SPOCK1: variants seen among roughly 807,000 people sequenced by gnomAD.
SPOCK1 encodes testican-1.
A neutral mutation model predicts 55.3 loss-of-function variants in SPOCK1; 23 were observed. That is an observed-to-expected ratio of 0.42 (90% CI 0.30 to 0.59). The LOEUF (loss-of-function observed/expected upper bound fraction) is 0.59. Among genes scored for constraint, SPOCK1 ranks in the 20% least tolerant of loss-of-function variants. SPOCK1 has a pLI of 0.22. For missense variants in SPOCK1, 499 were observed against 552.5 expected (o/e 0.90, Z 0.97); for synonymous variants, 226 against 221.0 (o/e 1.02, Z -0.20).
At chr5:137,266,632 A>G (rs1412597780) in intron 3 of SPOCK1, among the ~76,000 whole-genome samples, 2 of 152,196 alleles carry the variant, frequency 1.3e-5, no homozygotes, top group African/African-American at 4.8e-5. Flanking sequence ...AGAAAGTTTC[A>G]TTGTTATGGC....
At chr5:137,214,679 T>G (rs1003226747) in intron 3 of SPOCK1, among the ~76,000 whole-genome samples, 1 of 152,148 alleles carries the variant, frequency 6.6e-6, no homozygotes, top group Non-Finnish European at 1.5e-5. Flanking sequence ...TACCAAGTGC[T>G]AGTGTCAGGA....
At chr5:137,230,118 T>C (rs941511052) in intron 3 of SPOCK1, among the ~76,000 whole-genome samples, 2 of 152,250 alleles carry the variant, frequency 1.3e-5, no homozygotes. Flanking sequence ...TCTTTCTTTA[T>C]ATGCAAACAT....
Position 137,170,587 on chromosome 5 carries a change from T to TTCTCTCTC in SPOCK1, c.233-29901_233-29894dup, listed in dbSNP as rs56347412. 7.6e-4 allele frequency among the ~76,000 whole-genome samples: 108 copies of TTCTCTCTC among 142,596 alleles called. 1 individual carries two copies. The highest frequency in any genetic ancestry group is 2.3e-3 in the East Asian group (11 of 4,732). The allele number at this position is 142,596 out of a possible 152,430, so 93.5% of individuals were successfully genotyped here. ...GGAGAGACACGAATGAGCCTGTTAT[T>TTCTCTCTC]TCTCTCTCTCTCTCTCTCTCTCTCT... On this transcript the variant is annotated intron_variant, in intron 3 of 10. Transcript: ENST00000394945.
intron 6 of SPOCK1, among the ~76,000 whole-genome samples, chr5:137,036,384 A>G (rs1485477217): frequency 1.3e-5 from 2 of 152,036 alleles, no homozygotes; most frequent in Non-Finnish European, 2.9e-5. Flanking sequence ...TCTTCCATCC[A>G]GGAAGCCCTC....
intron 2 of SPOCK1, among the ~76,000 whole-genome samples, chr5:137,418,319 C>T (rs1232582355): frequency 1.3e-5 from 2 of 152,104 alleles, no homozygotes; most frequent in Non-Finnish European, 2.9e-5. Flanking sequence ...GGTATATACT[C>T]AGTAATGGGA....
intron 4 of SPOCK1, among the ~76,000 whole-genome samples, chr5:137,124,508 G>T (rs1313319738): frequency 6.6e-6 from 1 of 152,140 alleles, no homozygotes; most frequent in Non-Finnish European, 1.5e-5. Flanking sequence ...AGAGATTCTG[G>T]AGCCTACAAG....
At chr5:137,419,433 G>A (rs866827150) in intron 2 of SPOCK1, among the ~76,000 whole-genome samples, 4 of 152,296 alleles carry the variant, frequency 2.6e-5, no homozygotes, top group Middle Eastern at 6.8e-3. Flanking sequence ...CTACCCATGA[G>A]CATGGAATGT....
At chr5:137,244,975 T>C (rs1208449624) in intron 3 of SPOCK1, among the ~76,000 whole-genome samples, 1 of 152,214 alleles carries the variant, frequency 6.6e-6, no homozygotes, top group Non-Finnish European at 1.5e-5. Flanking sequence ...TACCTCTACC[T>C]AATAAGAGAA....
rs918510031 is a variant in SPOCK1 at position 136,992,679 on chromosome 5, G to A, written c.590-79C>T. On this transcript the variant is annotated intron_variant, in intron 6 of 10. Transcript: ENST00000394945. ...TGTGCAGGGCTACTGGCAAAGCCACGTTCAAAGCAAACCTTTCTATCCAAC... is the reference window on the plus strand; with the variant it reads ...TGTGCAGGGCTACTGGCAAAGCCACATTCAAAGCAAACCTTTCTATCCAAC... The A allele has an allele frequency of 9.5e-6, 10 of 1,053,934 alleles. No homozygotes were observed. The South Asian group carries it at 1.2e-4, about 13-fold the overall frequency. 65.3% of individuals were successfully genotyped at this position (1,053,934 alleles called of 1,614,324 possible).
rs537768505 is a variant in SPOCK1, at chr5:137,399,830, C to T, written c.186+98543G>A. Reference sequence around the variant, plus strand: ...TCTCTTCAGAGCCCTCCTGTTCAACCACTATACCTTAACAGAAGACAGACA... The same window carrying T: ...TCTCTTCAGAGCCCTCCTGTTCAACTACTATACCTTAACAGAAGACAGACA... On this transcript the variant is annotated intron_variant, in intron 2 of 10. Transcript: ENST00000394945. Among the ~76,000 whole-genome samples the T allele has an allele frequency of 3.3e-5, 5 of 152,174 alleles. No homozygotes were observed. The South Asian group carries it at 8.3e-4, about 25-fold the overall frequency.
intron 6 of SPOCK1, among the ~76,000 whole-genome samples, chr5:137,060,246 T>A (rs141352191): frequency 6.6e-6 from 1 of 152,326 alleles, no homozygotes; most frequent in East Asian, 1.9e-4. Context: ...GGTACACATG[T>A]ACCATAGAAT....
chr5:137,232,892 A>G lies in SPOCK1; in HGVS notation c.232+34118T>C, dbSNP rs189830164. Among the ~76,000 whole-genome samples the G allele has an allele frequency of 3.3e-4, 50 of 152,270 alleles. No individual in the cohort carries two copies. The East Asian group carries it at 8.5e-3, about 26-fold the overall frequency. On this transcript the variant is annotated intron_variant, in intron 3 of 10. Transcript: ENST00000394945. ...GTTTTTTACACTGTAAATATAATAC[A>G]ATTTGTATTTGTCAGTTGAAATAGA...
intron 2 of SPOCK1, among the ~76,000 whole-genome samples, chr5:137,306,069 C>A (rs896720086): frequency 2.0e-5 from 3 of 152,178 alleles, no homozygotes; most frequent in Non-Finnish European, 2.9e-5. Flanking sequence ...AGAATTACTG[C>A]TAGTCACCAT....
chr5:137,348,116 C>G (rs1428478490), intron 2 of SPOCK1, among the ~76,000 whole-genome samples: 3 of 152,040 alleles, frequency 2.0e-5, no homozygotes, highest in African/African-American at 4.8e-5. Context: ...TCTTGTTCAC[C>G]GAGTATCCCT....
intron 2 of SPOCK1, among the ~76,000 whole-genome samples, chr5:137,483,289 C>G (rs987713392): frequency 6.6e-6 from 1 of 152,134 alleles, no homozygotes; most frequent in African/African-American, 2.4e-5. Context: ...GCCAAGATCA[C>G]GCCATTGCAC....
intron 5 of SPOCK1, among the ~76,000 whole-genome samples, chr5:137,105,527 T>G (rs1262200208): frequency 6.6e-6 from 1 of 152,202 alleles, no homozygotes; most frequent in East Asian, 1.9e-4. Flanking sequence ...TGCACAACCC[T>G]GATTTGCTCC....
chr5:137,363,602 TA>T lies in SPOCK1; in HGVS notation c.187-96548del, dbSNP rs1382861482. ...CCTGTATACAAAAGTTAAGAATCCTTACTGTCCTAGAGCTGTCAGGAGACAA... is the reference window on the plus strand; with the variant it reads ...CCTGTATACAAAAGTTAAGAATCCTTCTGTCCTAGAGCTGTCAGGAGACAA... On this transcript the variant is annotated intron_variant, in intron 2 of 10. Coordinates refer to ENST00000394945, the MANE Select transcript of SPOCK1 (RefSeq NM_004598.4). 5.9e-5 allele frequency among the ~76,000 whole-genome samples: 9 copies of T among 152,256 alleles called. No homozygotes were observed. In the East Asian group the frequency reaches 1.7e-3, roughly 29 times the overall value.
chr5:137,248,447 T>C, intron 3 of SPOCK1, among the ~76,000 whole-genome samples: 1 of 152,232 alleles, frequency 6.6e-6, no homozygotes. Context: ...CCTGTTTCTA[T>C]GTCTAGCTGT....
intron 6 of SPOCK1, among the ~76,000 whole-genome samples, chr5:137,004,565 A>G (rs1561576879): frequency 6.6e-6 from 1 of 152,068 alleles, no homozygotes; most frequent in African/African-American, 2.4e-5. Context: ...TATTATCTCT[A>G]TTTCTAGTAA....
Sources: allele counts gnomAD v4.1 joint callset (sites outside exome capture counted in the v4.1 genomes callset), GRCh38; gene constraint gnomAD v4.1.1; transcripts MANE v1.5; gene names NCBI Gene and HGNC (gene_info 2026-07-23, HGNC 2026-07-21).